The following PRKCH variants were observed in gnomAD, a reference collection of about 807,000 sequenced individuals.
The protein encoded by PRKCH is protein kinase C eta.
Under a neutral mutation model 82.5 loss-of-function variants are expected in PRKCH, and 28 were observed. The observed-to-expected ratio is 0.34, with a 90% CI of 0.25 to 0.47. The LOEUF (loss-of-function observed/expected upper bound fraction) is 0.47. PRKCH is among the 20% of genes least tolerant of loss of function. The probability of loss-of-function intolerance (pLI) is 1.00; values close to 1 mark genes in which losing one functional copy is unlikely to be tolerated. For synonymous variants in PRKCH, 322 were observed against 327.4 expected, an observed-to-expected ratio of 0.98 and a Z score of 0.18; for missense variants, 705 against 881.8, an observed-to-expected ratio of 0.80 and a Z score of 2.54.
intron 1 of PRKCH, among the ~76,000 whole-genome samples, chr14:61,225,417 C>G (rs1420738975): frequency 6.6e-6 from 1 of 152,202 alleles, no homozygotes; most frequent in East Asian, 1.9e-4. Context: ...TGCATATCCT[C>G]CTAAGCACTC....
intron 9 of PRKCH, among the ~76,000 whole-genome samples, chr14:61,474,898 G>A (rs1324203762): frequency 1.3e-5 from 2 of 152,148 alleles, no homozygotes; most frequent in South Asian, 2.1e-4. Context: ...GCAGACAGGG[G>A]GAGAGGAAAT....
At chr14:61,416,024 C>T (rs1424158696) in intron 2 of PRKCH, among the ~76,000 whole-genome samples, 1 of 150,034 alleles carries the variant, frequency 6.7e-6, no homozygotes, top group Non-Finnish European at 1.5e-5. Context: ...ATTCCCCTCC[C>T]TTGCCTCTTT....
intron 2 of PRKCH, among the ~76,000 whole-genome samples, chr14:61,440,722 A>C (rs1883920493): frequency 6.6e-6 from 1 of 151,954 alleles, no homozygotes; most frequent in Admixed American, 6.6e-5. Context: ...AAAAATACGA[A>C]AATTAGCTGG....
intron 1 of PRKCH, among the ~76,000 whole-genome samples, chr14:61,364,425 G>T (rs781073936): frequency 4.6e-5 from 7 of 152,008 alleles, no homozygotes; most frequent in Non-Finnish European, 1.0e-4. Flanking sequence ...TGGCTCCCCA[G>T]CCTGTGTGTC....
chr14:61,201,656 C>T (rs201659790), intron 1 of PRKCH, among the ~76,000 whole-genome samples: 1 of 152,088 alleles, frequency 6.6e-6, no homozygotes, highest in African/African-American at 2.4e-5. Context: ...TATTATTTAA[C>T]ATTACTACAT....
At chr14:61,199,605 CTTGTTT>C (rs1334478048) in intron 1 of PRKCH, among the ~76,000 whole-genome samples, 2 of 129,014 alleles carry the variant, frequency 1.6e-5, no homozygotes, top group African/African-American at 2.8e-5. Context: ...GCTTGCTTCA[CTTGTTT>C]TTGTTTCATT....
intron 12 of PRKCH, among the ~76,000 whole-genome samples, chr14:61,538,201 G>A (rs2043137667): frequency 6.6e-6 from 1 of 152,228 alleles, no homozygotes; most frequent in African/African-American, 2.4e-5. Context: ...TCCAAAGAAA[G>A]TTATCAAAAG....
At chr14:61,420,109 G>A (rs1230402358) in intron 2 of PRKCH, among the ~76,000 whole-genome samples, 1 of 152,186 alleles carries the variant, frequency 6.6e-6, no homozygotes, top group Non-Finnish European at 1.5e-5. Flanking sequence ...GTTGGAGCTT[G>A]GACCATGGTT....
In PRKCH at chr14:61,505,385, CTTTTCTTTTCTTTTTTTTTTTTT is replaced by C. The variant is rs1887095379; in HGVS notation, c.1433+19734_1433+19756del. Among the ~76,000 whole-genome samples, 3 of 75,052 alleles carry C rather than the reference CTTTTCTTTTCTTTTTTTTTTTTT, an allele frequency of 4.0e-5. No homozygotes were observed. In the Admixed American group the frequency reaches 4.6e-4, roughly 12 times the overall value. 49.2% of individuals were successfully genotyped at this position (75,052 alleles called of 152,430 possible). Reference sequence around the variant, plus strand: ...CTCTCTAGGATTTGTCTTTTCTTTTCTTTTCTTTTCTTTTTTTTTTTTTTTTTTTTTTTTTTTTTGAGGTGGAG... The same window carrying C: ...CTCTCTAGGATTTGTCTTTTCTTTTCTTTTTTTTTTTTTTTTGAGGTGGAG... On this transcript the variant is annotated intron_variant, in intron 10 of 13. Transcript: ENST00000332981.
chr14:61,199,767 A>T (rs962815135), intron 1 of PRKCH, among the ~76,000 whole-genome samples: 5 of 152,162 alleles, frequency 3.3e-5, no homozygotes, highest in Admixed American at 2.6e-4. Context: ...CTCTATTATT[A>T]TATCTCCCCC....
intron 10 of PRKCH, among the ~76,000 whole-genome samples, chr14:61,508,575 G>A (rs1959278): frequency 0.7 from 106,717 of 151,740 alleles, 41,205 homozygotes; most frequent in Middle Eastern, 0.86. Flanking sequence ...AGTCTTCTGC[G>A]GGAGGAGGAT....
At chr14:61,338,560 G>A (rs2045888091) in intron 1 of PRKCH, among the ~76,000 whole-genome samples, 1 of 152,150 alleles carries the variant, frequency 6.6e-6, no homozygotes, top group Non-Finnish European at 1.5e-5. Flanking sequence ...ATGGGAAAAA[G>A]CGAGACTGAA....
At chr14:61,378,615 C>A (rs556517640) in intron 1 of PRKCH, among the ~76,000 whole-genome samples, 2 of 152,282 alleles carry the variant, frequency 1.3e-5, no homozygotes, top group South Asian at 2.1e-4. Flanking sequence ...CTGTTAAGGA[C>A]AGCCCAGTAG....
At chr14:61,287,202 C>T (rs1381170700) in intron 1 of PRKCH, among the ~76,000 whole-genome samples, 1 of 62,710 alleles carries the variant, frequency 1.6e-5, no homozygotes, top group Non-Finnish European at 2.6e-5. Flanking sequence ...AAGACTCCGT[C>T]TTAAAAAAAA....
chr14:61,358,269 G>C (rs2046177915), intron 1 of PRKCH, among the ~76,000 whole-genome samples: 1 of 152,162 alleles, frequency 6.6e-6, no homozygotes, highest in Admixed American at 6.5e-5. Flanking sequence ...GCCTGGCTCA[G>C]AATAAGACTG....
At position 61,491,452 on chromosome 14, in the gene PRKCH, C is replaced by T. The variant is rs555433190; in HGVS notation, c.1433+5796C>T. Reference sequence around the variant, plus strand: ...TTTCACATCAGACTTTGGCTGTGAGCCCTCACCTGGGACTGATACTGGCTC... The same window carrying T: ...TTTCACATCAGACTTTGGCTGTGAGTCCTCACCTGGGACTGATACTGGCTC... On this transcript the variant is annotated intron_variant, in intron 10 of 13. Coordinates refer to ENST00000332981, the MANE Select transcript of PRKCH (RefSeq NM_006255.5). Among the ~76,000 whole-genome samples the T allele has an allele frequency of 3.2e-4, 48 of 152,310 alleles. No homozygotes were observed. The Middle Eastern group carries it at 0.01, about 32-fold the overall frequency.
intron 10 of PRKCH, among the ~76,000 whole-genome samples, chr14:61,487,309 G>A (rs1886267653): frequency 6.6e-6 from 1 of 152,198 alleles, no homozygotes; most frequent in Admixed American, 6.5e-5. Context: ...CTGTTTGAAA[G>A]CAGTCTAGGA....
chr14:61,413,656 T>C (rs1267990025), intron 2 of PRKCH, among the ~76,000 whole-genome samples: 1 of 152,108 alleles, frequency 6.6e-6, no homozygotes, highest in African/African-American at 2.4e-5. Flanking sequence ...TCTCTCATTT[T>C]CTTTCTCTGA....
chr14:61,225,475 C>T (rs973189044), intron 1 of PRKCH, among the ~76,000 whole-genome samples: 10 of 152,162 alleles, frequency 6.6e-5, no homozygotes, highest in Non-Finnish European at 1.5e-4. Flanking sequence ...ATGGTAAAGG[C>T]GGTGTGCTGT....
Sources: gnomAD v4.1 joint callset for allele counts (sites outside exome capture counted in the v4.1 genomes callset) on GRCh38, gnomAD v4.1.1 for gene constraint, MANE v1.5 for transcripts, NCBI Gene and HGNC (gene_info 2026-07-23, HGNC 2026-07-21) for gene names.